The following DYM variants were observed in gnomAD, a reference collection of about 807,000 sequenced individuals.
DYM encodes dymeclin.
Under a neutral mutation model 93.1 loss-of-function variants are expected in DYM, and 78 were observed. That is an observed-to-expected ratio of 0.84 (90% CI 0.70 to 1.01). The LOEUF is 1.01. DYM is among the 50% of genes least tolerant of loss of function. The pLI is 0.00. For missense variants in DYM, 789 were observed against 845.0 expected (o/e 0.93, Z 0.82); for synonymous variants, 321 against 319.7 (o/e 1.00, Z -0.04).
At chr18:49,435,203 A>AT (rs1413142287) in intron 1 of DYM, among the ~76,000 whole-genome samples, 1 of 97,908 alleles carries the variant, frequency 1.0e-5, no homozygotes, top group Non-Finnish European at 2.0e-5. Flanking sequence ...CCATGACTCC[A>AT]TCTCAAAAAA....
Position 49,355,472 on chromosome 18 carries a change from T to C in DYM, c.494+7689A>G, listed in dbSNP as rs1027760426. Among the ~76,000 whole-genome samples the C allele has an allele frequency of 2.6e-5, 4 of 152,240 alleles. No homozygotes were observed. In the East Asian group the frequency reaches 5.8e-4, roughly 22 times the overall value. On this transcript the variant is annotated intron_variant, in intron 6 of 17. Transcript: ENST00000675505. ...AACACATTGACAGATACAATAGATA[T>C]ATTGATCAATATGATACACTGATAG...
At chr18:49,280,804 T>TA (rs2094953220) in intron 10 of DYM, among the ~76,000 whole-genome samples, 1 of 152,098 alleles carries the variant, frequency 6.6e-6, no homozygotes, top group South Asian at 2.1e-4. Flanking sequence ...CAAAATATTA[T>TA]AAAATACAAA....
intron 15 of DYM, among the ~76,000 whole-genome samples, chr18:49,123,850 C>A (rs1023584935): frequency 1.6e-4 from 25 of 152,162 alleles, no homozygotes; most frequent in African/African-American, 6.0e-4. Context: ...AGACTTCAAG[C>A]TTCAGAATTC....
At chr18:49,402,637 G>T (rs1292745253) in intron 2 of DYM, among the ~76,000 whole-genome samples, 1 of 152,110 alleles carries the variant, frequency 6.6e-6, no homozygotes, top group East Asian at 1.9e-4. Flanking sequence ...TAAAATTATA[G>T]ACCAAATTAA....
intron 17 of DYM, among the ~76,000 whole-genome samples, chr18:49,065,657 C>T (rs1166861511): frequency 6.6e-6 from 1 of 151,984 alleles, no homozygotes; most frequent in Non-Finnish European, 1.5e-5. Flanking sequence ...CCACTGCACC[C>T]GGCCTCAATT....
At chr18:49,394,946 G>GA (rs1471233808) in intron 2 of DYM, among the ~76,000 whole-genome samples, 3 of 152,096 alleles carry the variant, frequency 2.0e-5, no homozygotes, top group Non-Finnish European at 4.4e-5. Context: ...TTCACATGCA[G>GA]AAAAATGAAA....
chr18:49,223,519 C>T (rs1312498296), intron 13 of DYM, among the ~76,000 whole-genome samples: 1 of 152,008 alleles, frequency 6.6e-6, no homozygotes, highest in African/African-American at 2.4e-5. Context: ...TCAAAATAAA[C>T]ATATTTTTTT....
chr18:49,188,700 G>T lies in DYM; in HGVS notation c.1625+20851C>A, dbSNP rs1311451540. Among the ~76,000 whole-genome samples, 4 of 152,146 alleles carry T rather than the reference G, an allele frequency of 2.6e-5. No homozygotes were observed. In the East Asian group the frequency reaches 5.8e-4, roughly 22 times the overall value. On this transcript the variant is annotated intron_variant, in intron 14 of 17. Coordinates refer to ENST00000675505, the MANE Select transcript of DYM (RefSeq NM_001353214.3). ...ACTGGGGCCTGTTGTGGCGTGGGGG[G>T]AAGGGGGAGGGATAGCATTTGGAGA...
chr18:49,387,063 C>T (rs1265454411), intron 3 of DYM, among the ~76,000 whole-genome samples: 1 of 151,730 alleles, frequency 6.6e-6, no homozygotes, highest in African/African-American at 2.4e-5. Flanking sequence ...CCATCTCAGC[C>T]TCCTGAGTAG....
chr18:49,048,721 C>G (rs1411602206), intron 17 of DYM, among the ~76,000 whole-genome samples: 2 of 152,248 alleles, frequency 1.3e-5, no homozygotes, highest in Admixed American at 6.5e-5. Context: ...TGGGGAAACT[C>G]TGATGACTAT....
chr18:49,432,928 T>G (rs139027326), intron 1 of DYM, among the ~76,000 whole-genome samples: 1 of 152,192 alleles, frequency 6.6e-6, no homozygotes, highest in African/African-American at 2.4e-5. Flanking sequence ...TAGAAATCTA[T>G]AGCTTTTCAA....
chr18:49,123,327 C>T (rs534972102), intron 15 of DYM, among the ~76,000 whole-genome samples: 39 of 152,280 alleles, frequency 2.6e-4, no homozygotes, highest in Non-Finnish European at 1.5e-4. Context: ...TGCCTCGGTG[C>T]TCCTGCCCTG....
At chr18:49,399,640 A>T (rs573577149) in intron 2 of DYM, among the ~76,000 whole-genome samples, 7 of 152,222 alleles carry the variant, frequency 4.6e-5, no homozygotes, top group African/African-American at 1.7e-4. Flanking sequence ...CCACCCCAAC[A>T]CCCAACAGCT....
intron 17 of DYM, among the ~76,000 whole-genome samples, chr18:49,093,043 G>A (rs1243659372): frequency 6.6e-6 from 1 of 152,224 alleles, no homozygotes; most frequent in East Asian, 1.9e-4. Context: ...TCCAGAGGCA[G>A]GGTGAAGTTA....
At chr18:49,230,539 A>T (rs1291576698) in intron 13 of DYM, among the ~76,000 whole-genome samples, 1 of 152,176 alleles carries the variant, frequency 6.6e-6, no homozygotes, top group African/African-American at 2.4e-5. Flanking sequence ...AAAATGAGCT[A>T]TACTGAAATG....
chr18:49,415,129 C>A (rs866135903), intron 2 of DYM, among the ~76,000 whole-genome samples: 5 of 151,938 alleles, frequency 3.3e-5, no homozygotes, highest in Non-Finnish European at 5.9e-5. Context: ...TTGAGACCAG[C>A]CAGGCCAACA....
chr18:49,094,007 TGA>T (rs1231375532), intron 17 of DYM, among the ~76,000 whole-genome samples: 1 of 152,236 alleles, frequency 6.6e-6, no homozygotes. Context: ...TCAAGTGTCT[TGA>T]GTAAATGAAG....
rs369717154 is a variant in DYM, at chr18:49,168,301, G to C, written c.1626-4514C>G. On this transcript the variant is annotated intron_variant, in intron 14 of 17. Coordinates refer to ENST00000675505, the MANE Select transcript of DYM (RefSeq NM_001353214.3). ...TAACACTGGATACATACATGAGAGA[G>C]TGGTATATTGCTCTATTTTTTGTGT... is the stretch of plus-strand genomic sequence containing the variant. 4.3e-4 allele frequency among the ~76,000 whole-genome samples: 65 copies of C among 152,312 alleles called. 3 individuals are homozygous for C. The South Asian group carries it at 0.013, about 31-fold the overall frequency.
intron 16 of DYM, among the ~76,000 whole-genome samples, chr18:49,103,981 G>GA (rs898875110): frequency 1.1e-4 from 17 of 152,102 alleles, no homozygotes; most frequent in African/African-American, 4.1e-4. Flanking sequence ...GGATGGCATT[G>GA]AATCTCTAAA....
Sources: gnomAD v4.1 joint callset for allele counts (sites outside exome capture counted in the v4.1 genomes callset) on GRCh38, gnomAD v4.1.1 for gene constraint, MANE v1.5 for transcripts, NCBI Gene and HGNC (gene_info 2026-07-23, HGNC 2026-07-21) for gene names.